SSH2: variants seen among roughly 807,000 people sequenced by gnomAD.
The protein encoded by SSH2 is protein phosphatase Slingshot homolog 2.
Under a neutral mutation model 135.2 loss-of-function variants are expected in SSH2, and 37 were observed. That is an observed-to-expected ratio of 0.27 (90% CI 0.21 to 0.36). The LOEUF (loss-of-function observed/expected upper bound fraction) is 0.36. SSH2 is among the 10% of genes least tolerant of loss of function. SSH2 has a pLI of 1.00. For synonymous variants in SSH2, 628 were observed against 646.2 expected (o/e 0.97, Z 0.43); for missense variants, 1,408 against 1,765.3 (o/e 0.80, Z 3.63).
At chr17:29,661,079 A>AAAAAAAAAAAAAAAAAAAAAAAAAC (rs2037018822) in intron 11 of SSH2, among the ~76,000 whole-genome samples, 1 of 151,284 alleles carries the variant, frequency 6.6e-6, no homozygotes, top group African/African-American at 2.4e-5. Flanking sequence ...AAAAAAAAAA[A>AAAAAAAAAAAAAAAAAAAAAAAAAC]AAAGAAAAGC....
At chr17:29,781,210 CT>C (rs1198923154) in intron 3 of SSH2, among the ~76,000 whole-genome samples, 4 of 152,180 alleles carry the variant, frequency 2.6e-5, no homozygotes, top group African/African-American at 2.4e-5. Flanking sequence ...AATTTGTCCT[CT>C]TTTCACTGCT....
At chr17:29,836,488 A>C (rs115342878) in intron 2 of SSH2, among the ~76,000 whole-genome samples, 42 of 152,330 alleles carry the variant, frequency 2.8e-4, no homozygotes, top group African/African-American at 9.9e-4. Flanking sequence ...ATTGTGGAAT[A>C]AATAAGCTCA....
intron 14 of SSH2, among the ~76,000 whole-genome samples, chr17:29,638,410 T>C (rs900856307): frequency 2.0e-5 from 3 of 149,944 alleles, no homozygotes; most frequent in Non-Finnish European, 4.4e-5. Context: ...GTTAGAATAA[T>C]ATAGGAAAAA....
chr17:29,662,505 C>T (rs1436672282), intron 11 of SSH2, among the ~76,000 whole-genome samples: 2 of 152,164 alleles, frequency 1.3e-5, no homozygotes, highest in Admixed American at 6.5e-5. Flanking sequence ...TATGCCACAC[C>T]TCCTGAATTT....
intron 14 of SSH2, among the ~76,000 whole-genome samples, chr17:29,637,495 T>C (rs2035957923): frequency 6.6e-6 from 1 of 152,114 alleles, no homozygotes; most frequent in South Asian, 2.1e-4. Context: ...CAGATATCCA[T>C]ATGGCCAGGT....
intron 2 of SSH2, among the ~76,000 whole-genome samples, chr17:29,829,502 G>A (rs2042802182): frequency 6.6e-6 from 1 of 151,932 alleles, no homozygotes; most frequent in Non-Finnish European, 1.5e-5. Flanking sequence ...ATATATATAT[G>A]GAGAGAGGAG....
At chr17:29,808,432 C>T (rs1334923217) in intron 2 of SSH2, among the ~76,000 whole-genome samples, 2 of 152,048 alleles carry the variant, frequency 1.3e-5, no homozygotes, top group Non-Finnish European at 2.9e-5. Flanking sequence ...GCCGGCCTAA[C>T]GTGCTTCTTA....
chr17:29,761,390 G>A, intron 3 of SSH2: 1 of 1,065,906 alleles, frequency 9.4e-7, no homozygotes. Flanking sequence ...GTCGCGCGGA[G>A]GCAGCCGCCG....
intron 3 of SSH2, among the ~76,000 whole-genome samples, chr17:29,729,023 C>T (rs946672012): frequency 1.3e-5 from 2 of 152,092 alleles, no homozygotes; most frequent in African/African-American, 4.8e-5. Context: ...ACACAGGTAA[C>T]CTAAGCAAAA....
intron 3 of SSH2, among the ~76,000 whole-genome samples, chr17:29,737,115 A>G (rs2040399670): frequency 6.8e-6 from 1 of 148,054 alleles, no homozygotes; most frequent in Non-Finnish European, 1.5e-5. Flanking sequence ...AAAAAAAAAA[A>G]AAAAAAAAAA....
intron 4 of SSH2, among the ~76,000 whole-genome samples, chr17:29,696,515 A>G (rs1275712948): frequency 6.8e-6 from 1 of 146,880 alleles, no homozygotes; most frequent in Admixed American, 6.8e-5. Flanking sequence ...ATCTCAAAAA[A>G]AAATTAAAAC....
chr17:29,706,509 A>G (rs2151134187), intron 3 of SSH2, among the ~76,000 whole-genome samples: 1 of 152,210 alleles, frequency 6.6e-6, no homozygotes, highest in South Asian at 2.1e-4. Flanking sequence ...TTCACATGCC[A>G]CCCTACTGTG....
chr17:29,692,362 C>T (rs1311426643), intron 5 of SSH2, among the ~76,000 whole-genome samples: 1 of 152,126 alleles, frequency 6.6e-6, no homozygotes, highest in Non-Finnish European at 1.5e-5. Context: ...GAAGATGACT[C>T]ACTCAATAAG....
At chr17:29,703,584 CT>C (rs1362548997) in intron 3 of SSH2, among the ~76,000 whole-genome samples, 1 of 145,460 alleles carries the variant, frequency 6.9e-6, no homozygotes. Context: ...TTACAATATT[CT>C]TTTTTTTTGA....
At chr17:29,718,182 A>C (rs1478640729) in intron 3 of SSH2, among the ~76,000 whole-genome samples, 1 of 152,120 alleles carries the variant, frequency 6.6e-6, no homozygotes, top group Non-Finnish European at 1.5e-5. Context: ...ACCTTCTTGA[A>C]ACTTTCTTAT....
At chr17:29,671,827 T>C in intron 9 of SSH2, 108 bp downstream of exon 9, 1 of 911,886 alleles carries the variant, frequency 1.1e-6, no homozygotes, top group South Asian at 1.7e-5. Context: ...CTAATATTCC[T>C]AGGTAAGATT....
chr17:29,778,812 T>C (rs886749467), intron 3 of SSH2, among the ~76,000 whole-genome samples: 14 of 109,534 alleles, frequency 1.3e-4, no homozygotes, highest in African/African-American at 5.2e-4. Context: ...CTAGCCTGGG[T>C]GACAGAGTGA....
chr17:29,855,131 T>C (rs1213780561), intron 1 of SSH2, among the ~76,000 whole-genome samples: 1 of 152,240 alleles, frequency 6.6e-6, no homozygotes, highest in Non-Finnish European at 1.5e-5. Flanking sequence ...TCTCCTCTTT[T>C]TTTTTTGTAT....
intron 2 of SSH2, among the ~76,000 whole-genome samples, chr17:29,828,080 G>GGC (rs1290591207): frequency 6.6e-6 from 1 of 152,118 alleles, no homozygotes; most frequent in Admixed American, 6.6e-5. Flanking sequence ...GAGCCATCAT[G>GGC]TTAGACTAGA....
Sources: allele counts gnomAD v4.1 joint callset (sites outside exome capture counted in the v4.1 genomes callset), GRCh38; gene constraint gnomAD v4.1.1; transcripts MANE v1.5; gene names NCBI Gene and HGNC (gene_info 2026-07-23, HGNC 2026-07-21).